Variants in MRPS28 observed in about 807,000 individuals in gnomAD.
MRPS28 encodes small ribosomal subunit protein bS1m.
Under a neutral mutation model 10.8 loss-of-function variants are expected in MRPS28, and 7 were observed. That is an observed-to-expected ratio of 0.65 (90% CI 0.37 to 1.22). The LOEUF (loss-of-function observed/expected upper bound fraction) is 1.22, where lower values mean the gene tolerates loss of function less well. Among genes scored for constraint, MRPS28 ranks in the 50% most tolerant of loss-of-function variants. The pLI is 0.02. For synonymous variants in MRPS28, 121 were observed against 93.3 expected, an observed-to-expected ratio of 1.30 and a Z score of -1.71; for missense variants, 265 against 232.9, an observed-to-expected ratio of 1.14 and a Z score of -0.90.
intron 1 of MRPS28, among the ~76,000 whole-genome samples, chr8:80,003,429 G>C (rs1321389190): frequency 6.6e-6 from 1 of 152,182 alleles, no homozygotes; most frequent in Non-Finnish European, 1.5e-5. Flanking sequence ...ACTTTGGGAG[G>C]CCGAGGCAGG....
chr8:79,994,476 C>A (rs1315831810), intron 2 of MRPS28, among the ~76,000 whole-genome samples: 1 of 152,134 alleles, frequency 6.6e-6, no homozygotes, highest in African/African-American at 2.4e-5. Context: ...CCATTCATGT[C>A]CAAAATGAAA....
At chr8:80,029,964 C>T in intron 1 of MRPS28, 72 bp downstream of exon 1, 1 of 1,559,760 alleles carries the variant, frequency 6.4e-7, no homozygotes, top group South Asian at 1.2e-5. Context: ...AGGCTCCGCC[C>T]CTATTCCCGA....
intron 1 of MRPS28, among the ~76,000 whole-genome samples, chr8:80,014,555 C>T (rs1381334607): frequency 6.6e-6 from 1 of 152,180 alleles, no homozygotes; most frequent in Non-Finnish European, 1.5e-5. Flanking sequence ...GCTCTGGGGA[C>T]AGGTCTGTGC....
At chr8:79,927,736 C>T (rs1233616888) in intron 2 of MRPS28, among the ~76,000 whole-genome samples, 6 of 152,138 alleles carry the variant, frequency 3.9e-5, no homozygotes, top group Non-Finnish European at 2.9e-5. Context: ...TTAGGTCTGT[C>T]GTGATTTCTT....
At chr8:79,949,426 A>AAC (rs1554570315) in intron 2 of MRPS28, among the ~76,000 whole-genome samples, 7 of 151,648 alleles carry the variant, frequency 4.6e-5, no homozygotes, top group African/African-American at 1.7e-4. Context: ...AAAAAAAAAA[A>AAC]AACAACAACA....
At chr8:79,950,443 A>G (rs1807051577) in intron 2 of MRPS28, among the ~76,000 whole-genome samples, 1 of 152,148 alleles carries the variant, frequency 6.6e-6, no homozygotes, top group Non-Finnish European at 1.5e-5. Flanking sequence ...ATACTTTAGG[A>G]TATTAGGGTA....
chr8:79,927,013 G>A (rs896861730), intron 2 of MRPS28, among the ~76,000 whole-genome samples: 1 of 152,138 alleles, frequency 6.6e-6, no homozygotes, highest in Non-Finnish European at 1.5e-5. Context: ...GGTAGTTTGG[G>A]GCCAGGCTGA....
intron 2 of MRPS28, among the ~76,000 whole-genome samples, chr8:79,930,861 CA>C (rs35784093): frequency 6.6e-6 from 1 of 151,776 alleles, no homozygotes; most frequent in Non-Finnish European, 1.5e-5. Context: ...TAAAATTCTG[CA>C]AAAAAAGTAC....
At chr8:79,971,202 A>G (rs929524602) in intron 2 of MRPS28, among the ~76,000 whole-genome samples, 2 of 152,174 alleles carry the variant, frequency 1.3e-5, no homozygotes, top group Non-Finnish European at 2.9e-5. Context: ...AAGGCTCTTT[A>G]AGACCAACCA....
At chr8:79,923,268 G>T (rs1366552986) in intron 2 of MRPS28, among the ~76,000 whole-genome samples, 2 of 152,082 alleles carry the variant, frequency 1.3e-5, no homozygotes, top group African/African-American at 4.8e-5. Context: ...GCCACACAGT[G>T]GTGTAAGAGG....
At chr8:79,995,667 A>G (rs1009849494) in intron 2 of MRPS28, among the ~76,000 whole-genome samples, 1 of 152,240 alleles carries the variant, frequency 6.6e-6, no homozygotes, top group African/African-American at 2.4e-5. Flanking sequence ...GAAGTTAGTT[A>G]TCTGGTGACA....
chr8:79,946,908 C>T (rs1194168844), intron 2 of MRPS28, among the ~76,000 whole-genome samples: 3 of 152,220 alleles, frequency 2.0e-5, no homozygotes, highest in African/African-American at 4.8e-5. Context: ...TCAGTAACTT[C>T]GTAGTCTTAT....
chr8:79,988,261 G>T (rs186836956), intron 2 of MRPS28, among the ~76,000 whole-genome samples: 2,778 of 124,344 alleles, frequency 0.022, 112 homozygotes, highest in African/African-American at 0.078. Flanking sequence ...ATCACACTCT[G>T]GGGACTATCG....
At chr8:79,994,241 T>C (rs1361500372) in intron 2 of MRPS28, among the ~76,000 whole-genome samples, 4 of 152,194 alleles carry the variant, frequency 2.6e-5, no homozygotes, top group Non-Finnish European at 5.9e-5. Context: ...AGCAACAGCA[T>C]AGTTTAACCA....
intron 2 of MRPS28, among the ~76,000 whole-genome samples, chr8:79,936,871 T>C (rs1031460272): frequency 2.0e-5 from 3 of 152,228 alleles, no homozygotes; most frequent in Non-Finnish European, 2.9e-5. Context: ...TTGTTGTTTT[T>C]CTTTTTGAGA....
intron 1 of MRPS28, among the ~76,000 whole-genome samples, chr8:80,020,222 T>C (rs1439098048): frequency 1.3e-5 from 2 of 152,184 alleles, no homozygotes; most frequent in African/African-American, 4.8e-5. Context: ...AGATGAAGCG[T>C]CCAGGTAGCA....
At chr8:79,985,599 C>T (rs1262438741) in intron 2 of MRPS28, among the ~76,000 whole-genome samples, 1 of 152,056 alleles carries the variant, frequency 6.6e-6, no homozygotes, top group Non-Finnish European at 1.5e-5. Context: ...GGGATATCAC[C>T]ACCGATCCCA....
rs200130139 is a variant in MRPS28 at position 80,030,053 on chromosome 8, C to T, written c.196G>A (p.Val66Met). 3.0e-4 allele frequency: 480 copies of T among 1,613,476 alleles called. No homozygotes were observed. Among genetic ancestry groups the T allele is most frequent in the East Asian group, 7.4e-4 (33 of 44,872 alleles). ...LERHSELLQK[V>M]EPLQKGSPKN... ...GGCTCCACCTTCTGTAGGGGCTCCA[C>T]CTTCTGTAGAAGCTCCGAGTGCCGC... The change falls in exon 1 of 3, where the codon GTG becomes ATG. Residue 66 changes from valine (V) to methionine (M), a missense_variant. Transcript: ENST00000276585.
intron 1 of MRPS28, among the ~76,000 whole-genome samples, chr8:80,014,497 C>G (rs1269965718): frequency 6.6e-6 from 1 of 152,186 alleles, no homozygotes; most frequent in Non-Finnish European, 1.5e-5. Flanking sequence ...CAAAGGAAGG[C>G]TGGGAAGTCT....
Sources: gnomAD v4.1 joint callset for allele counts (sites outside exome capture counted in the v4.1 genomes callset) on GRCh38, gnomAD v4.1.1 for gene constraint, MANE v1.5 for transcripts, NCBI Gene and HGNC (gene_info 2026-07-23, HGNC 2026-07-21) for gene names.